THUMPD2: variants seen among roughly 807,000 people sequenced by gnomAD.
THUMPD2 encodes U6 snRNA (guanine-N(2))-methyltransferase THUMPD2.
In THUMPD2, 56 loss-of-function variants were observed where a neutral mutation model predicts 49.4. The ratio of observed to expected loss-of-function variants is 1.13; its 90% CI spans 0.91 to 1.41. The LOEUF is 1.41. THUMPD2 is among the 40% of genes most tolerant of loss of function. The probability of loss-of-function intolerance (pLI) is 0.00; values close to 1 mark genes in which losing one functional copy is unlikely to be tolerated. For synonymous variants in THUMPD2, 237 were observed against 205.2 expected (o/e 1.15, Z -1.32); for missense variants, 709 against 594.5 (o/e 1.19, Z -2.00).
chr2:39,744,572 C>T (rs1428520942), intron 8 of THUMPD2, 94 bp from the exon 9 acceptor site: 24 of 772,644 alleles, frequency 3.1e-5, no homozygotes, highest in Non-Finnish European at 8.0e-6. Flanking sequence ...ATTATTTTTG[C>T]GTAACAGATT....
rs1678063833 is a variant in THUMPD2, at chr2:39,769,778, G to T, written c.604C>A (p.Gln202Lys). 6.2e-7 allele frequency: 1 copy of T among 1,601,184 alleles called. No homozygotes were observed. The highest frequency in any genetic ancestry group is 1.4e-5 in the African/African-American group (1 of 73,682). Reference sequence around the variant, plus strand: ...GATACTCTGAAAGTCAAGTCATTCTGATTATGAGTATCAATTGCTTTCTCT... The same window carrying T: ...GATACTCTGAAAGTCAAGTCATTCTTATTATGAGTATCAATTGCTTTCTCT... ...DIEKAIDTHN[Q>K]NDLTFRVSCR... is the part of the protein sequence containing the mutation. The change falls in exon 3 of 10, where the codon CAG becomes AAG. Residue 202 changes from glutamine to lysine, a missense_variant. Physicochemically the swap from Gln to Lys is moderately conservative, Grantham distance 53 (BLOSUM62 1). Transcript: ENST00000505747.
At chr2:39,753,652 C>A (rs1675724773) in intron 8 of THUMPD2, among the ~76,000 whole-genome samples, 1 of 152,188 alleles carries the variant, frequency 6.6e-6, no homozygotes, top group Non-Finnish European at 1.5e-5. Flanking sequence ...TCAGTAACGA[C>A]AACTCAATCC....
chr2:39,762,281 A>C (rs1320380480), intron 5 of THUMPD2, among the ~76,000 whole-genome samples: 1 of 152,174 alleles, frequency 6.6e-6, no homozygotes, highest in Non-Finnish European at 1.5e-5. Context: ...CATTACGGAA[A>C]GCCATGATTT....
intron 4 of THUMPD2, among the ~76,000 whole-genome samples, chr2:39,766,638 G>A (rs1394189007): frequency 3.9e-5 from 6 of 151,900 alleles, no homozygotes; most frequent in African/African-American, 7.3e-5. Context: ...GTATTTAAGC[G>A]CCCCACATTA....
At chr2:39,757,379 G>T (rs1340408445) in intron 6 of THUMPD2, 9 of 1,303,520 alleles carry the variant, frequency 6.9e-6, no homozygotes, top group Non-Finnish European at 9.1e-6. Context: ...CTAATGGAAA[G>T]AAACAAAATG....
At chr2:39,774,873 A>C (rs549352629) in intron 1 of THUMPD2, among the ~76,000 whole-genome samples, 1 of 152,300 alleles carries the variant, frequency 6.6e-6, no homozygotes, top group East Asian at 1.9e-4. Context: ...AACACTCCCG[A>C]AGATGAAGTA....
At chr2:39,745,205 T>C (rs1019137533) in intron 8 of THUMPD2, among the ~76,000 whole-genome samples, 1 of 152,172 alleles carries the variant, frequency 6.6e-6, no homozygotes, top group Non-Finnish European at 1.5e-5. Flanking sequence ...TGTCCCAATT[T>C]TCATTTTGAA....
intron 1 of THUMPD2, among the ~76,000 whole-genome samples, chr2:39,775,128 G>T (rs920030396): frequency 1.3e-5 from 2 of 152,028 alleles, no homozygotes; most frequent in African/African-American, 4.8e-5. Flanking sequence ...AAAAGTAAAT[G>T]AGCTGGGCAC....
Position 39,736,311 on chromosome 2 carries a change from G to C in THUMPD2, c.*424C>G, listed in dbSNP as rs1156544169. 6.5e-6 allele frequency: 1 copy of C among 154,054 alleles called. No homozygotes were observed. The highest frequency in any genetic ancestry group is 2.4e-5 in the African/African-American group (1 of 41,456). 9.5% of individuals were successfully genotyped at this position (154,054 alleles called of 1,614,324 possible). On this transcript the variant is annotated 3_prime_UTR_variant, in exon 10 of 10. Transcript: ENST00000505747. The stretch of plus-strand genomic sequence containing the variant: ...ATTCCAATGGAGAAGAAAATTACAG[G>C]CTCAAAAATCAAGTTTAATATCAAA...
chr2:39,771,615 AAAAC>A lies in THUMPD2; in HGVS notation c.148_151del (p.Val50PhefsTer8), dbSNP rs777453144. Reference sequence around the variant, plus strand: ...ATTCAAATCAGAACAGGTGGTGAAAAAAACCTTTCCTGAAATATATTCAACCTAG... The same window carrying A: ...ATTCAAATCAGAACAGGTGGTGAAAACTTTCCTGAAATATATTCAACCTAG... On this transcript the variant is annotated frameshift_variant, in exon 2 of 10. Transcript: ENST00000505747. LOFTEE classifies it high-confidence loss of function. 6.2e-7 allele frequency: 1 copy of A among 1,604,556 alleles called. No individual in the cohort carries two copies. The highest frequency in any genetic ancestry group is 1.1e-5 in the South Asian group (1 of 88,196).
chr2:39,758,288 A>C (rs1441737989), intron 6 of THUMPD2, among the ~76,000 whole-genome samples: 1 of 152,194 alleles, frequency 6.6e-6, no homozygotes, highest in Non-Finnish European at 1.5e-5. Flanking sequence ...CATTTAAATC[A>C]AACAAAAAAA....
chr2:39,775,570 G>C (rs1181703655), intron 1 of THUMPD2, among the ~76,000 whole-genome samples: 1 of 151,964 alleles, frequency 6.6e-6, no homozygotes, highest in African/African-American at 2.4e-5. Flanking sequence ...AGGAGTTCAA[G>C]ACCAGCCTGG....
intron 1 of THUMPD2, 40 bp downstream of exon 1, chr2:39,779,074 G>C: frequency 6.8e-7 from 1 of 1,480,320 alleles, no homozygotes; most frequent in Non-Finnish European, 8.9e-7. Context: ...GCAGGGACAG[G>C]GCCGCCCACC....
chr2:39,759,098 G>T (rs898159932), intron 6 of THUMPD2, among the ~76,000 whole-genome samples: 3 of 152,064 alleles, frequency 2.0e-5, no homozygotes, highest in Admixed American at 2.0e-4. Context: ...GGGAAATCAT[G>T]TCAAAAGGAT....
chr2:39,755,210 CAT>C, intron 8 of THUMPD2, 83 bp downstream of exon 8: 1 of 915,640 alleles, frequency 1.1e-6, no homozygotes. Context: ...CCAACCTTTA[CAT>C]AGTGAGACTT....
At chr2:39,738,343 G>A (rs947030623) in intron 9 of THUMPD2, among the ~76,000 whole-genome samples, 4 of 152,070 alleles carry the variant, frequency 2.6e-5, no homozygotes, top group Admixed American at 1.3e-4. Flanking sequence ...TGGGAGGATC[G>A]CTTGAGCACA....
At chr2:39,761,731 T>C (rs1018148322) in intron 5 of THUMPD2, among the ~76,000 whole-genome samples, 1 of 152,196 alleles carries the variant, frequency 6.6e-6, no homozygotes, top group African/African-American at 2.4e-5. Context: ...TGTCTTCCCA[T>C]ACAGAGTAGA....
intron 3 of THUMPD2, chr2:39,768,727 C>T: frequency 4.4e-6 from 3 of 682,858 alleles, no homozygotes; most frequent in Non-Finnish European, 4.8e-6. Context: ...TTAATGTCTA[C>T]TCATGCATAA....
chr2:39,770,155 G>C, intron 2 of THUMPD2, 36 bp from the exon 3 acceptor site: 1 of 1,384,722 alleles, frequency 7.2e-7, no homozygotes, highest in Non-Finnish European at 9.5e-7. Context: ...CTCTATTGAA[G>C]CTTTAAAGAC....
Sources: gnomAD v4.1 joint callset for allele counts (sites outside exome capture counted in the v4.1 genomes callset) on GRCh38, gnomAD v4.1.1 for gene constraint, MANE v1.5 for transcripts, NCBI Gene and HGNC (gene_info 2026-07-23, HGNC 2026-07-21) for gene names.